Variants in RGPD6 observed in about 807,000 individuals in gnomAD.
The protein encoded by RGPD6 is RANBP2-like and GRIP domain-containing protein 5/6.
the RGPD6 span, chr2:110,610,995 T>G: frequency 4.2e-6 from 4 of 963,786 alleles, no homozygotes; most frequent in South Asian, 1.4e-4. Context: ...CTCCCCGGCT[T>G]GCGCGCAGGC....
the RGPD6 span, among the ~76,000 whole-genome samples, chr2:110,593,132 G>A: frequency 6.8e-6 from 1 of 148,096 alleles, no homozygotes; most frequent in Non-Finnish European, 1.5e-5. Flanking sequence ...TATCTGTTAT[G>A]CCATTTAAAT....
At chr2:110,610,732 C>T in the RGPD6 span, among the ~76,000 whole-genome samples, 5 of 145,414 alleles carry the variant, frequency 3.4e-5, no homozygotes, top group African/African-American at 7.6e-5. Context: ...ACTCGAGGTC[C>T]CATTCCTGGA....
At chr2:110,597,013 G>A in the RGPD6 span, among the ~76,000 whole-genome samples, 4 of 107,476 alleles carry the variant, frequency 3.7e-5, no homozygotes, top group Non-Finnish European at 7.2e-5. Flanking sequence ...GAGTCTCGCG[G>A]TGACACCCAG....
the RGPD6 span, among the ~76,000 whole-genome samples, chr2:110,601,981 CATGTGCTT>C: frequency 2.5e-5 from 3 of 117,946 alleles, no homozygotes; most frequent in Admixed American, 2.8e-4. Flanking sequence ...TATGTGCACT[CATGTGCTT>C]ATGTGCACGC....
intron 1 of RGPD6, 49 bp downstream of exon 1, chr2:110,576,904 C>CCCCCCCCCA (rs1688406393): frequency 1.8e-6 from 2 of 1,110,080 alleles, no homozygotes; most frequent in African/African-American, 4.0e-5. Flanking sequence ...CCCCCCCTCC[C>CCCCCCCCCA]CCCCCGGCCG....
chr2:110,610,867 G>A, the RGPD6 span: 13 of 929,314 alleles, frequency 1.4e-5, no homozygotes, highest in African/African-American at 1.4e-4. Context: ...CGCCGCTCAA[G>A]GTGCATCCCA....
the RGPD6 span, chr2:110,610,901 C>T: frequency 4.9e-5 from 40 of 821,978 alleles, no homozygotes; most frequent in Admixed American, 6.3e-5. Flanking sequence ...GGCCGCCGCC[C>T]GCCCCCAGGT....
chr2:110,610,061 T>G, the RGPD6 span, among the ~76,000 whole-genome samples: 6 of 128,542 alleles, frequency 4.7e-5, no homozygotes, highest in Middle Eastern at 4.0e-3. Flanking sequence ...GGAGGAGGAG[T>G]GCAACTGTGA....
chr2:110,606,156 C>T, the RGPD6 span, among the ~76,000 whole-genome samples: 6 of 151,106 alleles, frequency 4.0e-5, no homozygotes, highest in Non-Finnish European at 8.8e-5. Context: ...TAGTAATAAG[C>T]GTTATTTCAT....
chr2:110,596,478 AT>A, the RGPD6 span, among the ~76,000 whole-genome samples: 109 of 137,258 alleles, frequency 7.9e-4, no homozygotes, highest in Non-Finnish European at 1.5e-3. Flanking sequence ...GAAAAAAAAA[AT>A]CACCTTACAA....
At chr2:110,606,939 C>T in the RGPD6 span, among the ~76,000 whole-genome samples, 1 of 151,760 alleles carries the variant, frequency 6.6e-6, no homozygotes, top group Admixed American at 6.6e-5. Flanking sequence ...CCTCACTTGA[C>T]AATAACACTA....
chr2:110,593,027 A>AAATC, the RGPD6 span, among the ~76,000 whole-genome samples: 1 of 147,876 alleles, frequency 6.8e-6, no homozygotes, highest in East Asian at 2.0e-4. Context: ...CTTAACAAGA[A>AAATC]AATCACCTTT....
At chr2:110,593,232 ACC>A in the RGPD6 span, among the ~76,000 whole-genome samples, 1 of 148,278 alleles carries the variant, frequency 6.7e-6, no homozygotes, top group South Asian at 2.1e-4. Flanking sequence ...GTAAAAACCT[ACC>A]CCACAGTGGA....
the RGPD6 span, among the ~76,000 whole-genome samples, chr2:110,595,908 GATCT>G: frequency 6.7e-6 from 1 of 149,582 alleles, no homozygotes; most frequent in South Asian, 2.1e-4. Flanking sequence ...GTAAGGCACA[GATCT>G]TTGATAGTAC....
the RGPD6 span, among the ~76,000 whole-genome samples, chr2:110,600,348 T>C: frequency 3.0e-4 from 17 of 56,776 alleles, no homozygotes; most frequent in Middle Eastern, 5.2e-3. Flanking sequence ...GCTCATATAT[T>C]TTGCTCAAAG....
At chr2:110,602,284 TTG>T in the RGPD6 span, among the ~76,000 whole-genome samples, 3 of 138,492 alleles carry the variant, frequency 2.2e-5, no homozygotes, top group African/African-American at 8.1e-5. Context: ...GAGTCTTCAG[TTG>T]TGATTTCTCG....
intron 1 of RGPD6, 50 bp downstream of exon 1, chr2:110,576,903 C>A: frequency 1.8e-6 from 2 of 1,112,456 alleles, no homozygotes; most frequent in East Asian, 4.6e-5. Flanking sequence ...CCCCCCCCTC[C>A]CCCCCCGGCC....
chr2:110,610,394 G>A, the RGPD6 span, among the ~76,000 whole-genome samples: 1 of 144,170 alleles, frequency 6.9e-6, no homozygotes, highest in East Asian at 2.1e-4. Flanking sequence ...TGGATCCCCA[G>A]GCATTAGTGA....
chr2:110,600,612 G>C, the RGPD6 span, among the ~76,000 whole-genome samples: 4 of 22,020 alleles, frequency 1.8e-4, no homozygotes, highest in South Asian at 4.9e-3. Context: ...TGGGAGCCCT[G>C]AGTTTGTTTT....
Sources: allele counts gnomAD v4.1 joint callset (sites outside exome capture counted in the v4.1 genomes callset), GRCh38; gene constraint gnomAD v4.1.1; transcripts MANE v1.5; gene names NCBI Gene and HGNC (gene_info 2026-07-23, HGNC 2026-07-21).